The following ARSB variants were observed in gnomAD, a reference collection of about 807,000 sequenced individuals.
ARSB encodes N-acetylgalactosamine-4-sulfatase.
In ARSB, 41 loss-of-function variants were observed where a neutral mutation model predicts 50.9. The observed-to-expected ratio is 0.81, with a 90% confidence interval of 0.63 to 1.04. The LOEUF (loss-of-function observed/expected upper bound fraction) is 1.04, where lower values mean the gene tolerates loss of function less well. Ranked by LOEUF, ARSB falls within the 50% of genes least tolerant of loss-of-function variation. The probability of loss-of-function intolerance (pLI) is 0.00; values close to 1 mark genes in which losing one functional copy is unlikely to be tolerated. For synonymous variants in ARSB, 269 were observed against 284.8 expected (o/e 0.94, Z 0.56); for missense variants, 672 against 693.3 (o/e 0.97, Z 0.35).
intron 5 of ARSB, among the ~76,000 whole-genome samples, chr5:78,874,728 T>C (rs1747406122): frequency 6.6e-6 from 1 of 152,168 alleles, no homozygotes; most frequent in Non-Finnish European, 1.5e-5. Flanking sequence ...CCTAACACTA[T>C]ACTTAACAAC....
chr5:78,896,440 T>C (rs1748562778), intron 4 of ARSB, among the ~76,000 whole-genome samples: 1 of 152,114 alleles, frequency 6.6e-6, no homozygotes, highest in Non-Finnish European at 1.5e-5. Flanking sequence ...CCCAGCAGAA[T>C]AGGGACCCCA....
rs1753113043 is a variant in ARSB, at chr5:78,985,041, G to C, written c.208C>G (p.Pro70Ala). ...VGFHGSRIRT[P>A]HLDALAAGGV... Reference sequence around the variant, plus strand: ...CCGGCCGCCAGCGCGTCCAGGTGCGGCGTGCGGATGCGGGAGCCGTGGAAG... The same window carrying C: ...CCGGCCGCCAGCGCGTCCAGGTGCGCCGTGCGGATGCGGGAGCCGTGGAAG... The change falls in exon 1 of 8, where the codon CCG (proline) becomes GCG (alanine). Residue 70 changes from proline to alanine, a missense_variant. Transcript: ENST00000264914. 7 of 1,541,842 alleles carry C rather than the reference G, an allele frequency of 4.5e-6. No homozygotes were observed. Among genetic ancestry groups the C allele is most frequent in the South Asian group, 1.2e-5 (1 of 83,418 alleles).
At chr5:78,782,596 A>G (rs755047103) in intron 6 of ARSB, among the ~76,000 whole-genome samples, 1 of 152,220 alleles carries the variant, frequency 6.6e-6, no homozygotes, top group Non-Finnish European at 1.5e-5. Context: ...TGAGATCTTA[A>G]TTGATCATCA....
At chr5:78,914,233 G>A (rs1166987766) in intron 4 of ARSB, among the ~76,000 whole-genome samples, 1 of 151,886 alleles carries the variant, frequency 6.6e-6, no homozygotes, top group African/African-American at 2.4e-5. Flanking sequence ...CCAAAGTGCT[G>A]GGATTACAAG....
At chr5:78,871,398 C>T (rs1747166137) in intron 5 of ARSB, among the ~76,000 whole-genome samples, 1 of 151,358 alleles carries the variant, frequency 6.6e-6, no homozygotes, top group South Asian at 2.1e-4. Context: ...AGGCATCACA[C>T]TACCTGACTT....
intron 1 of ARSB, among the ~76,000 whole-genome samples, chr5:78,977,506 C>T (rs1228810472): frequency 6.6e-6 from 1 of 152,112 alleles, no homozygotes; most frequent in Non-Finnish European, 1.5e-5. Context: ...TTACCTCACC[C>T]CCTTCAGATT....
rs1161773995 is a variant in ARSB, at chr5:78,778,315, A to C, written c.*2082T>G. 1 of 152,250 alleles carries C rather than the reference A, an allele frequency of 6.6e-6. No homozygotes were observed. Among genetic ancestry groups the C allele is most frequent in the African/African-American group, 2.4e-5 (1 of 41,456 alleles). The allele number at this position is 152,250 out of a possible 1,614,324, so 9.4% of individuals were successfully genotyped here. A position where few individuals can be genotyped will look rare whatever the true frequency, so the allele number is the denominator to read the frequency against. The stretch of plus-strand genomic sequence containing the variant: ...GTTGGTAAGAGATGTTATTAGTTTT[A>C]GCACCATTTCCTTCCAATAGTCTCA... On this transcript the variant is annotated 3_prime_UTR_variant, in exon 8 of 8. Transcript: ENST00000264914.
intron 6 of ARSB, among the ~76,000 whole-genome samples, chr5:78,785,961 G>T (rs1448843977): frequency 6.6e-6 from 1 of 152,044 alleles, no homozygotes; most frequent in Non-Finnish European, 1.5e-5. Flanking sequence ...GACATAAGAG[G>T]AATTTAAATA....
At chr5:78,924,655 C>A (rs1440888593) in intron 4 of ARSB, among the ~76,000 whole-genome samples, 1 of 152,132 alleles carries the variant, frequency 6.6e-6, no homozygotes, top group African/African-American at 2.4e-5. Flanking sequence ...TCTTTGAAAT[C>A]AAAAAGTGAT....
chr5:78,925,331 A>C (rs773033710), intron 4 of ARSB, among the ~76,000 whole-genome samples: 2 of 152,226 alleles, frequency 1.3e-5, no homozygotes, highest in Non-Finnish European at 2.9e-5. Flanking sequence ...AGAGAAAATA[A>C]ATGCCATTCA....
At chr5:78,802,693 A>T (rs1307427369) in intron 6 of ARSB, among the ~76,000 whole-genome samples, 2 of 152,228 alleles carry the variant, frequency 1.3e-5, no homozygotes, top group Non-Finnish European at 2.9e-5. Context: ...CAGAATGAAG[A>T]GCACTCAAGT....
chr5:78,920,179 G>A (rs1014200304), intron 4 of ARSB, among the ~76,000 whole-genome samples: 4 of 152,180 alleles, frequency 2.6e-5, no homozygotes, highest in African/African-American at 4.8e-5. Context: ...GTGGCTGGAG[G>A]GAGGCAGACT....
At chr5:78,911,190 T>G (rs1749291238) in intron 4 of ARSB, among the ~76,000 whole-genome samples, 1 of 152,094 alleles carries the variant, frequency 6.6e-6, no homozygotes, top group South Asian at 2.1e-4. Flanking sequence ...TGTAGCTACT[T>G]TCTGAAAGGT....
chr5:78,841,054 G>A (rs1201423839), intron 5 of ARSB, among the ~76,000 whole-genome samples: 4 of 151,968 alleles, frequency 2.6e-5, no homozygotes, highest in Non-Finnish European at 4.4e-5. Flanking sequence ...CAGCACTTTG[G>A]GAGGCTGAGA....
At position 78,811,081 on chromosome 5, in the gene ARSB, C is replaced by T. The variant is rs570616882; in HGVS notation, c.1213+28275G>A. 1.8e-4 allele frequency among the ~76,000 whole-genome samples: 28 copies of T among 152,246 alleles called. No individual in the cohort carries two copies. The South Asian group carries it at 2.3e-3, about 12-fold the overall frequency. On this transcript the variant is annotated intron_variant, in intron 6 of 7. Transcript: ENST00000264914. The stretch of plus-strand genomic sequence containing the variant: ...CCCCTGCTTTTGGAGGCAGCAGGAG[C>T]GCAGTACAGAAGCATGCGTTTGACA...
intron 4 of ARSB, among the ~76,000 whole-genome samples, chr5:78,909,866 T>C (rs1197369201): frequency 6.6e-6 from 1 of 152,164 alleles, no homozygotes; most frequent in African/African-American, 2.4e-5. Flanking sequence ...GTCTCCTGCC[T>C]GCCCCTGGGA....
At chr5:78,899,521 C>A (rs988201625) in intron 4 of ARSB, among the ~76,000 whole-genome samples, 6 of 152,182 alleles carry the variant, frequency 3.9e-5, no homozygotes, top group Admixed American at 3.9e-4. Flanking sequence ...ATTCTTATTT[C>A]TTTTTTCTTC....
intron 5 of ARSB, among the ~76,000 whole-genome samples, chr5:78,859,561 C>T (rs1038687321): frequency 6.6e-6 from 1 of 152,084 alleles, no homozygotes; most frequent in African/African-American, 2.4e-5. Context: ...ATGCCAAAGT[C>T]CCAAGGGGAT....
intron 5 of ARSB, among the ~76,000 whole-genome samples, chr5:78,869,195 C>T (rs1304955451): frequency 8.4e-6 from 1 of 118,884 alleles, no homozygotes; most frequent in Non-Finnish European, 1.8e-5. Context: ...GAGACTTAGA[C>T]TCCCACACAT....
Sources: gnomAD v4.1 joint callset for allele counts (sites outside exome capture counted in the v4.1 genomes callset) on GRCh38, gnomAD v4.1.1 for gene constraint, MANE v1.5 for transcripts, NCBI Gene and HGNC (gene_info 2026-07-23, HGNC 2026-07-21) for gene names.